The following BLTP3B variants were observed in gnomAD, a reference collection of about 807,000 sequenced individuals.
The protein encoded by BLTP3B is UHRF1 (ICBP90) binding protein 1-like.
the BLTP3B span, among the ~76,000 whole-genome samples, chr12:100,045,475 G>C: frequency 6.6e-6 from 1 of 152,066 alleles, no homozygotes; most frequent in Non-Finnish European, 1.5e-5. Flanking sequence ...CAAGCAATAG[G>C]GAAAGGATTC....
chr12:100,128,587 C>A, the BLTP3B span: 5 of 1,239,910 alleles, frequency 4.0e-6, no homozygotes, highest in Admixed American at 2.6e-5. Flanking sequence ...TACCTGAGGG[C>A]AGGAAATTCA....
chr12:100,063,833 G>A, the BLTP3B span, among the ~76,000 whole-genome samples: 8 of 152,096 alleles, frequency 5.3e-5, no homozygotes, highest in Non-Finnish European at 7.4e-5. Flanking sequence ...CTACCCAAAT[G>A]AGAAAGAACC....
At chr12:100,108,251 T>C in the BLTP3B span, 8 of 974,320 alleles carry the variant, frequency 8.2e-6, no homozygotes, top group South Asian at 1.5e-4. Context: ...GGTATCTTTC[T>C]TTTGAAATTA....
the BLTP3B span, among the ~76,000 whole-genome samples, chr12:100,053,330 C>G: frequency 6.6e-6 from 1 of 152,090 alleles, no homozygotes; most frequent in African/African-American, 2.4e-5. Flanking sequence ...ATCACTTGAA[C>G]CCAGGAGGCG....
At chr12:100,137,425 G>A in the BLTP3B span, among the ~76,000 whole-genome samples, 1 of 152,064 alleles carries the variant, frequency 6.6e-6, no homozygotes. Context: ...TAACCCTTCT[G>A]AATGTCCATA....
the BLTP3B span, among the ~76,000 whole-genome samples, chr12:100,126,176 AG>A: frequency 6.6e-6 from 1 of 152,254 alleles, no homozygotes; most frequent in African/African-American, 2.4e-5. Flanking sequence ...GTTTTTAAAC[AG>A]TAAGTTTTTG....
At chr12:100,081,102 C>T in the BLTP3B span, among the ~76,000 whole-genome samples, 8 of 152,156 alleles carry the variant, frequency 5.3e-5, no homozygotes, top group Non-Finnish European at 7.3e-5. Flanking sequence ...CCTTGCCTTC[C>T]GCCATGATTG....
chr12:100,076,224 C>A, the BLTP3B span, among the ~76,000 whole-genome samples: 1 of 151,692 alleles, frequency 6.6e-6, no homozygotes, highest in Admixed American at 6.6e-5. Context: ...CAAAGTTCAA[C>A]CAATAAAGTT....
chr12:100,090,040 A>C, the BLTP3B span, among the ~76,000 whole-genome samples: 1 of 152,100 alleles, frequency 6.6e-6, no homozygotes, highest in Non-Finnish European at 1.5e-5. Context: ...GCCTTTCACC[A>C]CGATTACGAG....
chr12:100,109,323 C>G, the BLTP3B span, among the ~76,000 whole-genome samples: 1 of 152,006 alleles, frequency 6.6e-6, no homozygotes, highest in African/African-American at 2.4e-5. Context: ...AAACTTCTTT[C>G]TTCAGTCTCA....
chr12:100,065,069 G>A, the BLTP3B span, among the ~76,000 whole-genome samples: 8 of 152,090 alleles, frequency 5.3e-5, no homozygotes, highest in African/African-American at 1.9e-4. Flanking sequence ...CCTGAACAGA[G>A]GGACCAGCTG....
the BLTP3B span, chr12:100,098,625 G>C: frequency 1.4e-6 from 2 of 1,417,072 alleles, no homozygotes; most frequent in Non-Finnish European, 9.4e-7. Flanking sequence ...TTTCTGGTTG[G>C]GGATGGTGGC....
the BLTP3B span, among the ~76,000 whole-genome samples, chr12:100,127,246 A>T: frequency 3.3e-5 from 5 of 152,228 alleles, no homozygotes; most frequent in Admixed American, 3.3e-4. Context: ...TACTAAAGTG[A>T]ATCTCAAAGG....
At chr12:100,073,024 TATCA>T in the BLTP3B span, among the ~76,000 whole-genome samples, 10 of 152,330 alleles carry the variant, frequency 6.6e-5, no homozygotes, top group South Asian at 4.1e-4. Context: ...TTTGGATCCT[TATCA>T]ATCACAAAAT....
At chr12:100,122,848 C>T in the BLTP3B span, among the ~76,000 whole-genome samples, 1 of 152,206 alleles carries the variant, frequency 6.6e-6, no homozygotes, top group Admixed American at 6.5e-5. Flanking sequence ...GGATCCCTTG[C>T]CTTCTCTCCG....
At chr12:100,040,680 C>A in the BLTP3B span, among the ~76,000 whole-genome samples, 2 of 151,840 alleles carry the variant, frequency 1.3e-5, no homozygotes, top group Non-Finnish European at 2.9e-5. Flanking sequence ...AGCGAGACTC[C>A]GTCTCAAAAA....
At chr12:100,049,601 A>G in the BLTP3B span, among the ~76,000 whole-genome samples, 1 of 152,188 alleles carries the variant, frequency 6.6e-6, no homozygotes, top group Non-Finnish European at 1.5e-5. Context: ...CTACTTATTA[A>G]CATTCCAGAA....
At chr12:100,102,557 C>T in the BLTP3B span, among the ~76,000 whole-genome samples, 1 of 152,108 alleles carries the variant, frequency 6.6e-6, no homozygotes, top group Non-Finnish European at 1.5e-5. Context: ...ATTAGTTAAT[C>T]ACTATTATTT....
At chr12:100,115,466 T>G in the BLTP3B span, among the ~76,000 whole-genome samples, 1 of 152,092 alleles carries the variant, frequency 6.6e-6, no homozygotes, top group South Asian at 2.1e-4. Flanking sequence ...GAACTAAAGT[T>G]TAAAACAATA....
Sources: allele counts gnomAD v4.1 joint callset (sites outside exome capture counted in the v4.1 genomes callset), GRCh38; gene constraint gnomAD v4.1.1; transcripts MANE v1.5; gene names NCBI Gene and HGNC (gene_info 2026-07-23, HGNC 2026-07-21).